Variants in NAALADL2 observed in about 807,000 individuals in gnomAD.
The protein encoded by NAALADL2 is N-acetylated alpha-linked acidic dipeptidase like 2, also known as inactive N-acetylated-alpha-linked acidic dipeptidase-like protein 2.
Under a neutral mutation model 87.2 loss-of-function variants are expected in NAALADL2, and 76 were observed. The observed-to-expected ratio is 0.87, with a 90% CI of 0.72 to 1.05. The LOEUF is 1.05. Among genes scored for constraint, NAALADL2 ranks in the 50% least tolerant of loss-of-function variants. NAALADL2 has a pLI of 0.00. For missense variants in NAALADL2, 1,089 were observed against 945.8 expected, an observed-to-expected ratio of 1.15 and a Z score of -1.99; for synonymous variants, 354 against 331.0, an observed-to-expected ratio of 1.07 and a Z score of -0.75.
intron 5 of NAALADL2, among the ~76,000 whole-genome samples, chr3:175,355,356 C>A (rs1764251691): frequency 6.6e-6 from 1 of 152,156 alleles, no homozygotes; most frequent in Non-Finnish European, 1.5e-5. Flanking sequence ...AGGTGTTAGA[C>A]ACCGCGCCCA....
chr3:175,305,454 C>T (rs559206630), intron 4 of NAALADL2, among the ~76,000 whole-genome samples: 1 of 152,198 alleles, frequency 6.6e-6, no homozygotes, highest in South Asian at 2.1e-4. Flanking sequence ...ATGTCAAATA[C>T]ATGTTTACTT....
At chr3:174,725,598 A>C (rs1259998864) in intron 2 of NAALADL2, among the ~76,000 whole-genome samples, 5 of 151,928 alleles carry the variant, frequency 3.3e-5, no homozygotes, top group African/African-American at 1.2e-4. Context: ...GAGATCTACT[A>C]CATGGTTCAA....
intron 2 of NAALADL2, among the ~76,000 whole-genome samples, chr3:174,632,253 G>A (rs1007766658): frequency 7.2e-5 from 11 of 152,058 alleles, no homozygotes; most frequent in African/African-American, 1.7e-4. Context: ...CGCTAAACAC[G>A]TTCAATAAAC....
intron 11 of NAALADL2, among the ~76,000 whole-genome samples, chr3:175,659,107 T>C (rs1021321128): frequency 2.0e-5 from 3 of 152,200 alleles, no homozygotes; most frequent in Admixed American, 6.5e-5. Flanking sequence ...TTGCTTTGTC[T>C]GTAAATTAGT....
intron 1 of NAALADL2, among the ~76,000 whole-genome samples, chr3:174,941,278 G>A (rs1298533923): frequency 6.6e-6 from 1 of 152,060 alleles, no homozygotes; most frequent in East Asian, 1.9e-4. Context: ...TCAGGAACAT[G>A]TTGTTTGATT....
chr3:175,500,871 G>A (rs2149367704), intron 9 of NAALADL2, among the ~76,000 whole-genome samples: 1 of 152,202 alleles, frequency 6.6e-6, no homozygotes, highest in African/African-American at 2.4e-5. Context: ...ATAGTGCATT[G>A]AAAAATAATT....
intron 3 of NAALADL2, among the ~76,000 whole-genome samples, chr3:175,255,045 G>A (rs1467136414): frequency 6.6e-6 from 1 of 152,168 alleles, no homozygotes; most frequent in African/African-American, 2.4e-5. Context: ...GAATTTCCCT[G>A]TATTGGAAAC....
chr3:175,183,024 G>A (rs530694535), intron 2 of NAALADL2, among the ~76,000 whole-genome samples: 9 of 146,822 alleles, frequency 6.1e-5, no homozygotes, highest in African/African-American at 1.7e-4. Flanking sequence ...TATTTGGGAA[G>A]TTTTTTGTGG....
intron 1 of NAALADL2, among the ~76,000 whole-genome samples, chr3:175,025,284 A>G (rs1159131275): frequency 1.3e-5 from 2 of 152,118 alleles, no homozygotes; most frequent in African/African-American, 4.8e-5. Context: ...ATATTTTGTC[A>G]GGGATGGGTA....
At chr3:174,666,515 A>G (rs1015863382) in intron 2 of NAALADL2, among the ~76,000 whole-genome samples, 6 of 152,152 alleles carry the variant, frequency 3.9e-5, no homozygotes, top group African/African-American at 1.4e-4. Context: ...TATGGCTTCG[A>G]TTATCACTAC....
At chr3:174,998,413 C>T (rs1747814268) in intron 1 of NAALADL2, among the ~76,000 whole-genome samples, 1 of 152,158 alleles carries the variant, frequency 6.6e-6, no homozygotes, top group African/African-American at 2.4e-5. Context: ...ACTTCTTAAA[C>T]TCAAGTTCGA....
intron 1 of NAALADL2, among the ~76,000 whole-genome samples, chr3:174,906,824 T>C (rs1386640122): frequency 2.6e-5 from 4 of 152,166 alleles, no homozygotes; most frequent in Admixed American, 2.6e-4. Context: ...TAATTTGTTA[T>C]GTAGCAATAG....
At chr3:174,777,252 T>G (rs1024188744) in intron 3 of NAALADL2, among the ~76,000 whole-genome samples, 1 of 152,148 alleles carries the variant, frequency 6.6e-6, no homozygotes, top group Non-Finnish European at 1.5e-5. Context: ...TAGTTCATTT[T>G]AATTAAAATG....
At chr3:175,685,881 A>C (rs1381079475) in intron 11 of NAALADL2, among the ~76,000 whole-genome samples, 1 of 152,214 alleles carries the variant, frequency 6.6e-6, no homozygotes, top group East Asian at 1.9e-4. Flanking sequence ...AGGAAAGGCA[A>C]TCTGCTTTAT....
intron 11 of NAALADL2, among the ~76,000 whole-genome samples, chr3:175,660,898 A>T (rs1732157166): frequency 6.6e-6 from 1 of 152,022 alleles, no homozygotes; most frequent in Admixed American, 6.6e-5. Flanking sequence ...TTCTTTATTC[A>T]TCTGTTGATG....
chr3:175,450,688 G>A (rs1470298661), intron 6 of NAALADL2, among the ~76,000 whole-genome samples: 1 of 68,002 alleles, frequency 1.5e-5, no homozygotes, highest in African/African-American at 4.2e-5. Context: ...CTGTCAATAG[G>A]CTTGAGTCAA....
At chr3:175,022,085 C>T (rs897073087) in intron 1 of NAALADL2, among the ~76,000 whole-genome samples, 7 of 152,098 alleles carry the variant, frequency 4.6e-5, no homozygotes, top group South Asian at 2.1e-4. Context: ...TCTCCTGCCA[C>T]GTGACACACC....
chr3:175,002,918 C>T (rs1369388909), intron 1 of NAALADL2, among the ~76,000 whole-genome samples: 1 of 152,110 alleles, frequency 6.6e-6, no homozygotes, highest in African/African-American at 2.4e-5. Flanking sequence ...GCGTGACAGG[C>T]AAAACCTTGC....
chr3:174,875,009 G>C (rs943379409), intron 1 of NAALADL2, among the ~76,000 whole-genome samples: 1 of 150,942 alleles, frequency 6.6e-6, no homozygotes, highest in Non-Finnish European at 1.5e-5. Context: ...AGCTATTTGG[G>C]GGCTGAGGTG....
Sources: allele counts gnomAD v4.1 joint callset (sites outside exome capture counted in the v4.1 genomes callset), GRCh38; gene constraint gnomAD v4.1.1; transcripts MANE v1.5; gene names NCBI Gene and HGNC (gene_info 2026-07-23, HGNC 2026-07-21).